Variants in CCBE1 observed in about 807,000 individuals in gnomAD.
CCBE1 encodes the protein collagen and calcium binding EGF domains 1, also known as collagen and calcium-binding EGF domain-containing protein 1.
Under a neutral mutation model 50.0 loss-of-function variants are expected in CCBE1, and 37 were observed. The ratio of observed to expected loss-of-function variants is 0.74; its 90% confidence interval spans 0.57 to 0.97. CCBE1 has a LOEUF of 0.97. CCBE1 is among the 50% of genes least tolerant of loss of function. The pLI is 0.00. For missense variants in CCBE1, 538 were observed against 523.8 expected (o/e 1.03, Z -0.26); for synonymous variants, 234 against 203.7 (o/e 1.15, Z -1.27).
chr18:59,668,983 G>A (rs868771850), intron 2 of CCBE1, among the ~76,000 whole-genome samples: 1 of 151,570 alleles, frequency 6.6e-6, no homozygotes, highest in East Asian at 1.9e-4. Flanking sequence ...ACAGACACAC[G>A]CCACAACACC....
chr18:59,484,203 C>T (rs1409810675), intron 2 of CCBE1, among the ~76,000 whole-genome samples: 1 of 152,116 alleles, frequency 6.6e-6, no homozygotes, highest in Non-Finnish European at 1.5e-5. Flanking sequence ...ATTCCTTACT[C>T]CATTACTTGA....
chr18:59,556,182 T>C (rs949946135), intron 2 of CCBE1, among the ~76,000 whole-genome samples: 5 of 152,200 alleles, frequency 3.3e-5, no homozygotes, highest in African/African-American at 9.7e-5. Context: ...TGCTGTGGCA[T>C]TGTCATGGGC....
intron 2 of CCBE1, among the ~76,000 whole-genome samples, chr18:59,498,929 A>G (rs1025162606): frequency 1.8e-4 from 28 of 152,232 alleles, no homozygotes; most frequent in African/African-American, 6.5e-4. Context: ...CCTAAGGCCA[A>G]GTGGCTCTCG....
intron 2 of CCBE1, among the ~76,000 whole-genome samples, chr18:59,512,084 G>A (rs538831333): frequency 1.3e-5 from 2 of 152,220 alleles, no homozygotes; most frequent in East Asian, 1.9e-4. Context: ...TCCAGCAATC[G>A]TTAAGAGCTA....
rs530796097 is a variant in CCBE1, at chr18:59,688,026, T to C, written c.212+8603A>G. ...AGGGTACCTGTATAGTGTTATAATA[T>C]ATTTTTAGCCATACATGGAAAAATA... On this transcript the variant is annotated intron_variant, in intron 2 of 10. Transcript: ENST00000439986. Among the ~76,000 whole-genome samples, 83 of 152,348 alleles carry C rather than the reference T, an allele frequency of 5.4e-4. 2 individuals are homozygous for C. The highest frequency in any genetic ancestry group is 1.9e-3 in the African/African-American group (80 of 41,580).
At chr18:59,659,389 A>C (rs973338476) in intron 2 of CCBE1, among the ~76,000 whole-genome samples, 4 of 152,100 alleles carry the variant, frequency 2.6e-5, no homozygotes, top group Admixed American at 2.0e-4. Flanking sequence ...CATTGTTTTC[A>C]GACAACCAAC....
rs185964363 is a variant in CCBE1, at chr18:59,589,978, C to T, written c.212+106651G>A. 2.0e-3 allele frequency among the ~76,000 whole-genome samples: 306 copies of T among 152,122 alleles called. 1 individual carries two copies. The highest frequency in any genetic ancestry group is 0.012 in the South Asian group (59 of 4,816). Reference sequence around the variant, plus strand: ...AGAAAAAGCTTCTGACAATTCAGCACCCATTCTTGATTAAAAGACACACAC... The same window carrying T: ...AGAAAAAGCTTCTGACAATTCAGCATCCATTCTTGATTAAAAGACACACAC... On this transcript the variant is annotated intron_variant, in intron 2 of 10. Coordinates refer to ENST00000439986, the MANE Select transcript of CCBE1 (RefSeq NM_133459.4).
chr18:59,468,945 G>A (rs1440097686), intron 4 of CCBE1, among the ~76,000 whole-genome samples: 1 of 151,792 alleles, frequency 6.6e-6, no homozygotes, highest in Non-Finnish European at 1.5e-5. Context: ...CCATAAAGCT[G>A]CCTTAGAACC....
intron 2 of CCBE1, among the ~76,000 whole-genome samples, chr18:59,494,562 T>C (rs74391479): frequency 0.019 from 2,824 of 152,190 alleles, 99 homozygotes; most frequent in African/African-American, 0.065. Context: ...TCTGTAGGAC[T>C]TCCTAACACA....
At chr18:59,578,986 T>G (rs59543801) in intron 2 of CCBE1, among the ~76,000 whole-genome samples, 16 of 152,240 alleles carry the variant, frequency 1.1e-4, no homozygotes, top group African/African-American at 3.9e-4. Context: ...AGAAAAAAAA[T>G]GTAAAGACAT....
chr18:59,434,708 G>A lies in CCBE1; in HGVS notation c.*1200C>T, dbSNP rs1910076095. The A allele has an allele frequency of 6.6e-6, 1 of 152,148 alleles. No individual in the cohort carries two copies. Among genetic ancestry groups the A allele is most frequent in the African/African-American group, 2.4e-5 (1 of 41,434 alleles). The allele number at this position is 152,148 out of a possible 1,614,324, so 9.4% of individuals were successfully genotyped here. On this transcript the variant is annotated 3_prime_UTR_variant, in exon 11 of 11. Coordinates refer to ENST00000439986, the MANE Select transcript of CCBE1 (RefSeq NM_133459.4). ...ATTAAAGAAAATTAAGAAAAAATGA[G>A]AATAGGAAGGAAGTTTTTGCAAACA... is the stretch of plus-strand genomic sequence containing the variant.
intron 4 of CCBE1, among the ~76,000 whole-genome samples, chr18:59,468,430 GAAGT>G (rs141649222): frequency 0.21 from 32,092 of 151,892 alleles, 3,525 homozygotes; most frequent in East Asian, 0.33. Context: ...GCTATAAAGT[GAAGT>G]AAGAGCCTTG....
At chr18:59,669,377 C>T (rs2054402032) in intron 2 of CCBE1, among the ~76,000 whole-genome samples, 1 of 152,228 alleles carries the variant, frequency 6.6e-6, no homozygotes, top group African/African-American at 2.4e-5. Flanking sequence ...ATCTCGTTTT[C>T]CTTTCCCTGG....
At chr18:59,646,017 G>C (rs1324638202) in intron 2 of CCBE1, among the ~76,000 whole-genome samples, 1 of 151,448 alleles carries the variant, frequency 6.6e-6, no homozygotes, top group Non-Finnish European at 1.5e-5. Context: ...CTGGGTGACA[G>C]AGCAAGACTC....
intron 2 of CCBE1, among the ~76,000 whole-genome samples, chr18:59,609,832 C>T (rs2053546817): frequency 6.6e-6 from 1 of 152,160 alleles, no homozygotes; most frequent in African/African-American, 2.4e-5. Context: ...AGTAATGACC[C>T]AGTTATTTCA....
intron 3 of CCBE1, among the ~76,000 whole-genome samples, chr18:59,476,134 G>A (rs1323501697): frequency 6.6e-6 from 1 of 152,070 alleles, no homozygotes; most frequent in South Asian, 2.1e-4. Context: ...CCACTATCTC[G>A]GTGATCCTGG....
chr18:59,563,264 TG>T (rs1568208480), intron 2 of CCBE1, among the ~76,000 whole-genome samples: 1 of 152,234 alleles, frequency 6.6e-6, no homozygotes, highest in African/African-American at 2.4e-5. Flanking sequence ...GGATGGGGGT[TG>T]GGGGGAAGAA....
intron 2 of CCBE1, among the ~76,000 whole-genome samples, chr18:59,690,566 C>T (rs1242451199): frequency 6.6e-6 from 1 of 152,192 alleles, no homozygotes; most frequent in Non-Finnish European, 1.5e-5. Context: ...AGGCATTTGG[C>T]TTTTCCGGGT....
At chr18:59,499,909 G>A (rs996355687) in intron 2 of CCBE1, among the ~76,000 whole-genome samples, 1 of 152,180 alleles carries the variant, frequency 6.6e-6, no homozygotes, top group African/African-American at 2.4e-5. Flanking sequence ...AGCTGTGGTA[G>A]AAGCTTCCCT....
Sources: gnomAD v4.1 joint callset for allele counts (sites outside exome capture counted in the v4.1 genomes callset) on GRCh38, gnomAD v4.1.1 for gene constraint, MANE v1.5 for transcripts, NCBI Gene and HGNC (gene_info 2026-07-23, HGNC 2026-07-21) for gene names.